LRRC37A3: variants seen among roughly 807,000 people sequenced by gnomAD.
LRRC37A3 encodes leucine-rich repeat-containing protein 37A3.
LRRC37A3 carries 25 observed loss-of-function variants against 106.2 expected under a neutral mutation model. That is an observed-to-expected ratio of 0.24 (90% confidence interval 0.17 to 0.33). The LOEUF (loss-of-function observed/expected upper bound fraction) is 0.33, where lower values mean the gene tolerates loss of function less well. LRRC37A3 is among the 10% of genes least tolerant of loss of function. The pLI, the probability that LRRC37A3 is intolerant of heterozygous loss-of-function variation, is 1.00. For missense variants in LRRC37A3, 712 were observed against 1,644.9 expected (o/e 0.43, Z 9.81); for synonymous variants, 305 against 635.8 (o/e 0.48, Z 7.83).
chr17:64,867,691 A>T (rs1319431757), intron 10 of LRRC37A3, among the ~76,000 whole-genome samples: 2 of 151,710 alleles, frequency 1.3e-5, no homozygotes, highest in African/African-American at 4.9e-5. Context: ...TGGTTCGTTG[A>T]ATCTATGGAT....
At chr17:64,899,419 C>A (rs1412884541) in intron 2 of LRRC37A3, among the ~76,000 whole-genome samples, 10 of 100,216 alleles carry the variant, frequency 1.0e-4, no homozygotes, top group East Asian at 3.5e-4. Context: ...GACTCCATCT[C>A]AAAAAAAAAA....
At chr17:64,880,166 C>A (rs1973649786) in intron 8 of LRRC37A3, among the ~76,000 whole-genome samples, 1 of 151,828 alleles carries the variant, frequency 6.6e-6, no homozygotes, top group Non-Finnish European at 1.5e-5. Context: ...CTAAGGCATT[C>A]TTTTCTTGAC....
intron 8 of LRRC37A3, among the ~76,000 whole-genome samples, chr17:64,873,633 G>C (rs1973396415): frequency 1.3e-5 from 2 of 150,258 alleles, no homozygotes; most frequent in African/African-American, 2.5e-5. Context: ...TTCTAGAGTT[G>C]AAAAGTATGG....
chr17:64,860,974 C>G lies in LRRC37A3; in HGVS notation c.3173-1G>C. On this transcript the variant is annotated splice_acceptor_variant, in intron 11 of 14. Transcript: ENST00000584306. LOFTEE classifies it high-confidence loss of function. ...GGATTCCCTACAGATGCTTCTTCAG[C>G]TGTCAAAAAAGAAGAGACTGCTTTG... 1 of 1,613,850 alleles carries G rather than the reference C, an allele frequency of 6.2e-7. No homozygotes were observed. Among genetic ancestry groups the G allele is most frequent in the South Asian group, 1.1e-5 (1 of 91,076 alleles).
intron 13 of LRRC37A3, 94 bp downstream of exon 13, chr17:64,858,685 G>A (rs1972763510): frequency 4.3e-5 from 39 of 916,240 alleles, no homozygotes; most frequent in South Asian, 1.9e-4. Context: ...GTAGCAGCAG[G>A]TGGGAAAGTG....
At chr17:64,893,905 G>T (rs1974043784) in intron 4 of LRRC37A3, among the ~76,000 whole-genome samples, 1 of 148,496 alleles carries the variant, frequency 6.7e-6, no homozygotes, top group African/African-American at 2.6e-5. Context: ...GCCCGCCTCG[G>T]CCTCCCAAAG....
intron 13 of LRRC37A3, among the ~76,000 whole-genome samples, chr17:64,857,422 T>C (rs1300364815): frequency 1.3e-5 from 2 of 152,232 alleles, no homozygotes; most frequent in Admixed American, 1.3e-4. Context: ...CCTAGAATGT[T>C]GTACAGATGT....
chr17:64,915,828 T>C (rs1333261567), intron 2 of LRRC37A3, among the ~76,000 whole-genome samples: 1 of 152,238 alleles, frequency 6.6e-6, no homozygotes, highest in Non-Finnish European at 1.5e-5. Flanking sequence ...CCAGGCATGG[T>C]GGCTCATGCC....
intron 10 of LRRC37A3, among the ~76,000 whole-genome samples, chr17:64,864,751 G>A (rs1486453998): frequency 1.3e-5 from 2 of 151,380 alleles, no homozygotes; most frequent in East Asian, 1.9e-4. Flanking sequence ...GAATTTTGAG[G>A]ATCAAATGAA....
Position 64,862,931 on chromosome 17 carries a change from G to A in LRRC37A3, c.3141C>T (p.Asn1047=). Residue 1047 remains asparagine (N), a synonymous_variant, in exon 11 of 15, where the codon AAC becomes AAT. Transcript: ENST00000584306. ...GTGTGGTGTTTGTCAGACATGCACT[G>A]TTGCAATGCAGCTTGACTGTCTTGC... ...AVCKTVKLHC[N]SACLTNTTHC... 6.3e-7 allele frequency: 1 copy of A among 1,599,190 alleles called. No individual in the cohort carries two copies. The highest frequency in any genetic ancestry group is 1.1e-5 in the South Asian group (1 of 91,060).
chr17:64,917,138 C>G (rs1326680794), intron 2 of LRRC37A3, among the ~76,000 whole-genome samples: 1 of 144,734 alleles, frequency 6.9e-6, no homozygotes, highest in Non-Finnish European at 1.5e-5. Context: ...CCCAGCTACA[C>G]GGGAGGCTGA....
chr17:64,917,245 CAA>C (rs1283286984), intron 2 of LRRC37A3, among the ~76,000 whole-genome samples: 6 of 28,398 alleles, frequency 2.1e-4, no homozygotes, highest in East Asian at 1.0e-3. Flanking sequence ...GACTCCATCT[CAA>C]AAAAAAAAAA....
At chr17:64,867,403 G>T (rs1973151679) in intron 10 of LRRC37A3, among the ~76,000 whole-genome samples, 1 of 151,620 alleles carries the variant, frequency 6.6e-6, no homozygotes, top group Admixed American at 6.6e-5. Context: ...CACACAACCG[G>T]AATACTACTC....
intron 2 of LRRC37A3, chr17:64,910,171 T>G (rs879024944): frequency 1.3e-5 from 2 of 152,356 alleles, no homozygotes; most frequent in Admixed American, 6.5e-5. Context: ...TAATAAAAAC[T>G]TTGCCTATAT....
chr17:64,915,166 G>A (rs928231920), intron 2 of LRRC37A3, among the ~76,000 whole-genome samples: 27 of 152,116 alleles, frequency 1.8e-4, no homozygotes, highest in African/African-American at 6.5e-4. Flanking sequence ...CATCTGAGAT[G>A]ATGGATACCC....
At chr17:64,863,755 T>G (rs1467274178) in intron 10 of LRRC37A3, among the ~76,000 whole-genome samples, 2 of 152,194 alleles carry the variant, frequency 1.3e-5, no homozygotes, top group Non-Finnish European at 2.9e-5. Flanking sequence ...GAACAGGATC[T>G]TCACTGAACT....
chr17:64,866,071 C>T (rs1404621628), intron 10 of LRRC37A3, among the ~76,000 whole-genome samples: 2 of 151,894 alleles, frequency 1.3e-5, no homozygotes, highest in Non-Finnish European at 2.9e-5. Context: ...TGAAGACTTC[C>T]AATAATGAAC....
chr17:64,857,781 G>A (rs1972729427), intron 13 of LRRC37A3, among the ~76,000 whole-genome samples: 1 of 152,220 alleles, frequency 6.6e-6, no homozygotes, highest in Non-Finnish European at 1.5e-5. Context: ...GGGCATTTTA[G>A]ATGGACAAAC....
intron 5 of LRRC37A3, 139 bp from the exon 6 acceptor site, chr17:64,889,891 C>T (rs1424159766): frequency 7.1e-5 from 1 of 14,028 alleles, no homozygotes; most frequent in Non-Finnish European, 1.2e-4. Flanking sequence ...TCATTCAAAC[C>T]TTTTCTTATA....
Sources: gnomAD v4.1 joint callset for allele counts (sites outside exome capture counted in the v4.1 genomes callset) on GRCh38, gnomAD v4.1.1 for gene constraint, MANE v1.5 for transcripts, NCBI Gene and HGNC (gene_info 2026-07-23, HGNC 2026-07-21) for gene names.